The following SMARCD1 variants were observed in gnomAD, a reference collection of about 807,000 sequenced individuals.
SMARCD1 encodes the protein SWI/SNF related BAF chromatin remodeling complex subunit D1.
A neutral mutation model predicts 70.8 loss-of-function variants in SMARCD1; 16 were observed. That is an observed-to-expected ratio of 0.23 (90% CI 0.15 to 0.34). SMARCD1 has a LOEUF of 0.34. Among genes scored for constraint, SMARCD1 ranks in the 10% least tolerant of loss-of-function variants. SMARCD1 has a pLI of 1.00. For missense variants in SMARCD1, 409 were observed against 655.5 expected (o/e 0.62, Z 4.11); for synonymous variants, 249 against 246.0 (o/e 1.01, Z -0.11).
In SMARCD1 at chr12:50,086,199, G is replaced by A; in HGVS notation, c.216G>A (p.Gln72=). The A allele has an allele frequency of 3.1e-6, 5 of 1,600,020 alleles. No homozygotes were observed. Among genetic ancestry groups the A allele is most frequent in the Non-Finnish European group, 4.3e-6 (5 of 1,172,026 alleles). The change falls in exon 2 of 13, where the codon CAG becomes CAA. Residue 72 remains glutamine, a synonymous_variant. Coordinates refer to ENST00000394963, the MANE Select transcript of SMARCD1 (RefSeq NM_003076.5). The part of the protein sequence containing the change: ...GMLPGSRMTP[Q]GPSMGPPGYG... ...TGCCAGGCAGCCGAATGACACCTCA[G>A]GGACCTTCCATGGGACCCCCTGGCT...
intron 9 of SMARCD1, among the ~76,000 whole-genome samples, chr12:50,094,078 G>T (rs1592292264): frequency 6.6e-6 from 1 of 152,192 alleles, no homozygotes; most frequent in South Asian, 2.1e-4. Context: ...AAGGGAGAAA[G>T]ATATATAGGA....
chr12:50,086,348 A>C lies in SMARCD1; in HGVS notation c.365A>C (p.Asn122Thr). The change falls in exon 2 of 13, where the codon AAT (asparagine) becomes ACT (threonine). Residue 122 changes from asparagine (N) to threonine (T), a missense_variant and splice_region_variant. This residue lies in a region of SMARCD1 where 269 missense variants were observed against 498.6 expected (regional missense o/e 0.54). Coordinates refer to ENST00000394963, the MANE Select transcript of SMARCD1 (RefSeq NM_003076.5). ...CAGGCGGTCCAAAATCGAAACCACAAGTAAGATGATCCTGGGGCAGAGGGA... is the reference window on the plus strand; with the variant it reads ...CAGGCGGTCCAAAATCGAAACCACACGTAAGATGATCCTGGGGCAGAGGGA... The part of the protein sequence containing the change: ...QQQAVQNRNH[N>T]AKKKKMADKI... The C allele has an allele frequency of 2.1e-6, 2 of 958,084 alleles. No homozygotes were observed. The highest frequency in any genetic ancestry group is 1.7e-5 in the African/African-American group (1 of 58,818). 59.3% of individuals were successfully genotyped at this position (958,084 alleles called of 1,614,324 possible).
Position 50,086,479 on chromosome 12 carries a change from T to TTGG in SMARCD1, c.366-122_366-120dup, listed in dbSNP as rs143955263. 2.6e-4 allele frequency: 204 copies of TTGG among 781,672 alleles called. 1 individual carries two copies. Among genetic ancestry groups the TTGG allele is most frequent in the African/African-American group, 2.6e-3 (138 of 53,014 alleles). The allele number at this position is 781,672 out of a possible 1,614,324, so 48.4% of individuals were successfully genotyped here. ...CTACAGAACTCATCCTTGAGAATGCTTGGTGGTGGTGGTGGTGGTGGTAGT... is the reference window on the plus strand; with the variant it reads ...CTACAGAACTCATCCTTGAGAATGCTTGGTGGTGGTGGTGGTGGTGGTGGTAGT... On this transcript the variant is annotated intron_variant, in intron 2 of 12. Coordinates refer to ENST00000394963, the MANE Select transcript of SMARCD1 (RefSeq NM_003076.5).
In SMARCD1 at chr12:50,100,242, TG is replaced by T. The variant is rs1950928036; in HGVS notation, c.*1245del. 1 of 152,372 alleles carries T rather than the reference TG, an allele frequency of 6.6e-6. No homozygotes were observed. The highest frequency in any genetic ancestry group is 2.4e-5 in the African/African-American group (1 of 41,296). 9.4% of individuals were successfully genotyped at this position (152,372 alleles called of 1,614,324 possible). A position where few individuals can be genotyped will look rare whatever the true frequency, so the allele number is the denominator to read the frequency against. On this transcript the variant is annotated 3_prime_UTR_variant, in exon 13 of 13. Coordinates refer to ENST00000394963, the MANE Select transcript of SMARCD1 (RefSeq NM_003076.5). ...GCTCGCAGACTCAACACAGCAAGGG[TG>T]GGAGACAGCTGGGCACAAAGGGGGA... is the stretch of plus-strand genomic sequence containing the variant.
rs1234302840 is a variant in SMARCD1, at chr12:50,096,732, C to T, written c.1270-118C>T. The T allele has an allele frequency of 1.8e-5, 16 of 865,400 alleles. No individual in the cohort carries two copies. In the Admixed American group the frequency reaches 3.6e-4, roughly 19 times the overall value. The allele number at this position is 865,400 out of a possible 1,614,324, so 53.6% of individuals were successfully genotyped here. ...TTGGAGCTCTATATGATGGTGCCAG[C>T]TGTGGGCAGCATGGTGACTAGGTTG... On this transcript the variant is annotated intron_variant, in intron 10 of 12. Transcript: ENST00000394963.
intron 6 of SMARCD1, chr12:50,088,869 G>T: frequency 3.5e-6 from 1 of 289,446 alleles, no homozygotes. Context: ...TTACTATCCT[G>T]GTCACTGCCA....
intron 4 of SMARCD1, 128 bp from the exon 5 acceptor site, chr12:50,087,235 A>C (rs770737979): frequency 1.1e-5 from 12 of 1,123,286 alleles, no homozygotes; most frequent in Non-Finnish European, 1.5e-5. Flanking sequence ...ATCTTCATCC[A>C]CCCACCCAAG....
Position 50,089,876 on chromosome 12 carries a change from C to T in SMARCD1, c.772-8C>T, listed in dbSNP as rs1369927358. On this transcript the variant is annotated splice_region_variant and splice_polypyrimidine_tract_variant and intron_variant, in intron 6 of 12. Transcript: ENST00000394963. ...GGAGAGCACCCCCTGACATCTTCCT[C>T]TCTGTAGTGGCACAGGACCGCCACT... The T allele has an allele frequency of 6.2e-7, 1 of 1,607,338 alleles. No homozygotes were observed. The highest frequency in any genetic ancestry group is 8.5e-7 in the Non-Finnish European group (1 of 1,175,122).
At chr12:50,097,338 G>A (rs554085930) in intron 11 of SMARCD1, among the ~76,000 whole-genome samples, 309 of 152,190 alleles carry the variant, frequency 2.0e-3, no homozygotes, top group African/African-American at 7.3e-3. Flanking sequence ...ATCGCTTGAG[G>A]TCAGGAGTTT....
chr12:50,090,969 C>T (rs1455328865), intron 9 of SMARCD1, among the ~76,000 whole-genome samples: 2 of 151,796 alleles, frequency 1.3e-5, no homozygotes, highest in Admixed American at 6.6e-5. Context: ...GGACTACAGG[C>T]ACCCGTCACC....
At chr12:50,097,039 A>T in intron 11 of SMARCD1, 67 bp downstream of exon 11, 1 of 1,456,850 alleles carries the variant, frequency 6.9e-7, no homozygotes, top group Non-Finnish European at 9.2e-7. Flanking sequence ...TTATTCATGT[A>T]GCAGCTGGTA....
rs1456970798 is a variant in SMARCD1 at position 50,088,515 on chromosome 12, C to T, written c.655-6C>T. ...CCTAATGTGATTTTTATTTTCTCTCCTCTAGTCAGCCTTGTCCAAATATGA... is the reference window on the plus strand; with the variant it reads ...CCTAATGTGATTTTTATTTTCTCTCTTCTAGTCAGCCTTGTCCAAATATGA... On this transcript the variant is annotated splice_polypyrimidine_tract_variant and splice_region_variant and intron_variant, in intron 5 of 12. Transcript: ENST00000394963. The T allele has an allele frequency of 2.3e-5, 34 of 1,496,664 alleles. No individual in the cohort carries two copies. Among genetic ancestry groups the T allele is most frequent in the Non-Finnish European group, 3.0e-5 (33 of 1,090,110 alleles). 92.7% of individuals were successfully genotyped at this position (1,496,664 alleles called of 1,614,324 possible).
intron 9 of SMARCD1, 24 bp downstream of exon 9, chr12:50,090,614 T>A: frequency 1.9e-6 from 3 of 1,563,910 alleles, no homozygotes; most frequent in Non-Finnish European, 2.6e-6. Flanking sequence ...TGGGAGGCAG[T>A]GCTGTGCCGG....
At chr12:50,089,592 A>G (rs1201125630) in intron 6 of SMARCD1, among the ~76,000 whole-genome samples, 1 of 152,282 alleles carries the variant, frequency 6.6e-6, no homozygotes, top group Non-Finnish European at 1.5e-5. Context: ...GTAAGTACTC[A>G]GTAAATGATA....
At chr12:50,092,486 T>G (rs539505574) in intron 9 of SMARCD1, among the ~76,000 whole-genome samples, 1 of 150,624 alleles carries the variant, frequency 6.6e-6, no homozygotes, top group South Asian at 2.1e-4. Flanking sequence ...CCTCCCAAAG[T>G]GCTGGGATTA....
chr12:50,088,717 A>T (rs1397511678), intron 6 of SMARCD1, 80 bp downstream of exon 6: 1 of 756,772 alleles, frequency 1.3e-6, no homozygotes. Flanking sequence ...GTCTAAGGAG[A>T]TGGGGAGGTA....
chr12:50,098,799 G>A lies in SMARCD1; in HGVS notation c.1478G>A (p.Arg493Gln), dbSNP rs1950914621. 6.2e-7 allele frequency: 1 copy of A among 1,613,928 alleles called. No homozygotes were observed. The highest frequency in any genetic ancestry group is 8.5e-7 in the Non-Finnish European group (1 of 1,179,822). The change falls in exon 12 of 13, where the codon CGA becomes CAA. Residue 493 changes from arginine (R) to glutamine (Q), a missense_variant. Around this residue, in one of 2 missense-constraint regions of SMARCD1, gnomAD observed 269 missense variants for 498.6 expected, o/e 0.54. Coordinates refer to ENST00000394963, the MANE Select transcript of SMARCD1 (RefSeq NM_003076.5). The stretch of plus-strand genomic sequence containing the variant: ...CCCTGGGCTCAGGAGGCTGTGTGCC[G>A]ATACTTCTACTCCAAGGTAAGTACA... ...FQPWAQEAVC[R>Q]YFYSKVQQRR...
At chr12:50,085,827 T>A in intron 1 of SMARCD1, 1 of 392,398 alleles carries the variant, frequency 2.5e-6, no homozygotes, top group Non-Finnish European at 4.5e-6. Context: ...CTTGAGCAGC[T>A]CCAGTGATCA....
intron 9 of SMARCD1, 82 bp from the exon 10 acceptor site, chr12:50,094,355 A>C (rs746488693): frequency 7.4e-5 from 105 of 1,411,886 alleles, no homozygotes; most frequent in Non-Finnish European, 9.8e-5. Flanking sequence ...TTTTCTCTTC[A>C]TCCTGGGTCA....
Sources: gnomAD v4.1 joint callset for allele counts (sites outside exome capture counted in the v4.1 genomes callset) on GRCh38, gnomAD v4.1.1 for gene constraint, gnomAD v4.1.1 regional missense constraint, MANE v1.5 for transcripts, NCBI Gene and HGNC (gene_info 2026-07-23, HGNC 2026-07-21) for gene names.